Variants in SLCO5A1 observed in about 807,000 individuals in gnomAD.
The protein encoded by SLCO5A1 is solute carrier organic anion transporter family member 5A1.
A neutral mutation model predicts 65.1 loss-of-function variants in SLCO5A1; 39 were observed. That is an observed-to-expected ratio of 0.60 (90% CI 0.46 to 0.78). The LOEUF is 0.78. Among genes scored for constraint, SLCO5A1 ranks in the 30% least tolerant of loss-of-function variants. The pLI, the probability that SLCO5A1 is intolerant of heterozygous loss-of-function variation, is 0.00. For missense variants in SLCO5A1, 1,029 were observed against 1,069.4 expected (o/e 0.96, Z 0.53); for synonymous variants, 438 against 415.7 (o/e 1.05, Z -0.65).
intron 2 of SLCO5A1, among the ~76,000 whole-genome samples, chr8:69,784,856 AAAGAAAGG>A (rs1358749652): frequency 1.4e-5 from 2 of 139,720 alleles, no homozygotes; most frequent in Non-Finnish European, 1.6e-5. Flanking sequence ...AGAAAGAAAG[AAAGAAAGG>A]GAAGGAAGGA....
chr8:69,792,937 TC>T (rs1471454053), intron 2 of SLCO5A1, among the ~76,000 whole-genome samples: 6 of 151,974 alleles, frequency 3.9e-5, no homozygotes, highest in African/African-American at 1.5e-4. Flanking sequence ...AGGTTTTTTT[TC>T]GTTTGTTTGT....
chr8:69,673,626 C>A (rs915539424), intron 9 of SLCO5A1, among the ~76,000 whole-genome samples: 1 of 151,960 alleles, frequency 6.6e-6, no homozygotes, highest in Non-Finnish European at 1.5e-5. Context: ...GTCAAGTATA[C>A]CTCAATAAAG....
rs991235194 is a variant in SLCO5A1 at position 69,668,647 on chromosome 8, G to T, written c.*4222C>A. ...TAAAGTTTCTCTTTGGTACATGCAC[G>T]GTTTCTACAAAACAGGGCCAAAAAG... On this transcript the variant is annotated 3_prime_UTR_variant, in exon 10 of 10. Transcript: ENST00000260126. The T allele has an allele frequency of 6.6e-6, 1 of 151,940 alleles. No homozygotes were observed. The highest frequency in any genetic ancestry group is 2.4e-5 in the African/African-American group (1 of 41,346). 9.4% of individuals were successfully genotyped at this position (151,940 alleles called of 1,614,324 possible).
chr8:69,709,687 G>C (rs1028858163), intron 5 of SLCO5A1, among the ~76,000 whole-genome samples: 1 of 151,904 alleles, frequency 6.6e-6, no homozygotes, highest in Admixed American at 6.6e-5. Flanking sequence ...TTTGATTTTT[G>C]TTGGTTTCTT....
At chr8:69,770,383 C>T (rs1307129340) in intron 2 of SLCO5A1, among the ~76,000 whole-genome samples, 1 of 152,072 alleles carries the variant, frequency 6.6e-6, no homozygotes, top group Non-Finnish European at 1.5e-5. Context: ...TCACTTGAGC[C>T]CACGAGTTCA....
intron 5 of SLCO5A1, among the ~76,000 whole-genome samples, chr8:69,711,089 G>C (rs1815225088): frequency 6.6e-6 from 1 of 152,082 alleles, no homozygotes; most frequent in South Asian, 2.1e-4. Flanking sequence ...GCGGCTGCGA[G>C]TCAGTTTCTC....
chr8:69,760,104 T>C (rs1563706433), intron 3 of SLCO5A1, among the ~76,000 whole-genome samples: 1 of 152,260 alleles, frequency 6.6e-6, no homozygotes, highest in Non-Finnish European at 1.5e-5. Flanking sequence ...TCCCTGTCAC[T>C]GTGCCCTCCT....
At chr8:69,759,794 C>T (rs570514544) in intron 3 of SLCO5A1, among the ~76,000 whole-genome samples, 26 of 152,200 alleles carry the variant, frequency 1.7e-4, no homozygotes, top group East Asian at 1.5e-3. Flanking sequence ...TACAGGCATG[C>T]GCCACCACAC....
chr8:69,675,617 C>T (rs1813516458), intron 9 of SLCO5A1, among the ~76,000 whole-genome samples: 1 of 152,120 alleles, frequency 6.6e-6, no homozygotes, highest in South Asian at 2.1e-4. Context: ...CATTTTCCTC[C>T]TGGGGCTTAT....
chr8:69,774,167 A>G (rs1264217949), intron 2 of SLCO5A1, among the ~76,000 whole-genome samples: 1 of 152,220 alleles, frequency 6.6e-6, no homozygotes, highest in Admixed American at 6.5e-5. Context: ...TGGACTTTGA[A>G]TCTTGGGTAA....
chr8:69,679,759 C>T (rs1460402443), intron 7 of SLCO5A1, 140 bp from the exon 8 acceptor site: 1 of 1,199,720 alleles, frequency 8.3e-7, no homozygotes, highest in Non-Finnish European at 1.2e-6. Context: ...TTGAAAGTAC[C>T]TTCCTCATTG....
In SLCO5A1 at chr8:69,740,097, C is replaced by A. The variant is rs116058277; in HGVS notation, c.1259-1893G>T. On this transcript the variant is annotated intron_variant, in intron 4 of 9. Transcript: ENST00000260126. Reference sequence around the variant, plus strand: ...AATTTCAAGGGTAACTAAAAACATGCATGATGGTTCTCTCTTCTTTTATTA... The same window carrying A: ...AATTTCAAGGGTAACTAAAAACATGAATGATGGTTCTCTCTTCTTTTATTA... Among the ~76,000 whole-genome samples, 1,386 of 152,292 alleles carry A rather than the reference C, an allele frequency of 9.1e-3. 18 individuals are homozygous for A. The highest frequency in any genetic ancestry group is 0.032 in the African/African-American group (1,326 of 41,564).
chr8:69,774,520 C>T (rs1212628458), intron 2 of SLCO5A1, among the ~76,000 whole-genome samples: 5 of 152,202 alleles, frequency 3.3e-5, no homozygotes, highest in Admixed American at 2.0e-4. Flanking sequence ...ACCCCACCCC[C>T]AGCTCACTGC....
intron 5 of SLCO5A1, among the ~76,000 whole-genome samples, chr8:69,728,311 G>A (rs1164837561): frequency 2.6e-5 from 4 of 152,164 alleles, no homozygotes. Flanking sequence ...GAGAGAGGAA[G>A]AGAATTGGAA....
chr8:69,688,430 C>G (rs1814094683), intron 6 of SLCO5A1, among the ~76,000 whole-genome samples: 1 of 152,018 alleles, frequency 6.6e-6, no homozygotes, highest in Admixed American at 6.6e-5. Flanking sequence ...TGGTGTGCTG[C>G]ACCCATTAAC....
At chr8:69,678,674 C>T (rs1489897469) in intron 8 of SLCO5A1, among the ~76,000 whole-genome samples, 1 of 151,852 alleles carries the variant, frequency 6.6e-6, no homozygotes, top group Non-Finnish European at 1.5e-5. Flanking sequence ...AATAGCAGCC[C>T]GACCATCATT....
At chr8:69,731,341 G>T (rs887601182) in intron 5 of SLCO5A1, among the ~76,000 whole-genome samples, 3 of 152,162 alleles carry the variant, frequency 2.0e-5, no homozygotes, top group Admixed American at 6.5e-5. Flanking sequence ...AGCAAAAACC[G>T]CAATTACTTT....
intron 4 of SLCO5A1, among the ~76,000 whole-genome samples, chr8:69,746,815 C>T (rs775113353): frequency 4.1e-4 from 63 of 152,286 alleles, no homozygotes; most frequent in Non-Finnish European, 7.4e-4. Flanking sequence ...TGCCAGCCAG[C>T]GAGAGACTGC....
chr8:69,737,054 C>T (rs977499793), intron 5 of SLCO5A1, among the ~76,000 whole-genome samples: 1 of 152,116 alleles, frequency 6.6e-6, no homozygotes, highest in African/African-American at 2.4e-5. Flanking sequence ...TACAATAGTC[C>T]ACAGCAGTGT....
Sources: gnomAD v4.1 joint callset for allele counts (sites outside exome capture counted in the v4.1 genomes callset) on GRCh38, gnomAD v4.1.1 for gene constraint, MANE v1.5 for transcripts, NCBI Gene and HGNC (gene_info 2026-07-23, HGNC 2026-07-21) for gene names.